Variants in CAMK2G observed in about 807,000 individuals in gnomAD.
The protein encoded by CAMK2G is calcium/calmodulin dependent protein kinase II gamma.
A neutral mutation model predicts 88.7 loss-of-function variants in CAMK2G; 23 were observed. That is an observed-to-expected ratio of 0.26 (90% CI 0.19 to 0.37). The LOEUF is 0.37. Ranked by LOEUF, CAMK2G falls within the 10% of genes least tolerant of loss-of-function variation. CAMK2G has a pLI of 1.00. For missense variants in CAMK2G, 476 were observed against 780.8 expected (o/e 0.61, Z 4.65); for synonymous variants, 263 against 294.8 (o/e 0.89, Z 1.11).
At chr10:73,819,028 C>G (rs2086784775) in intron 19 of CAMK2G, 1 of 356,688 alleles carries the variant, frequency 2.8e-6, no homozygotes, top group Non-Finnish European at 5.5e-6. Context: ...AAGGAACCTG[C>G]AGCTCTGGGA....
Position 73,824,086 on chromosome 10 carries a change from T to C in CAMK2G, c.1156-2A>G. Reference sequence around the variant, plus strand: ...GTGTACCACAGTGGTTTGTGGCTCCTGTGAGAGAAGATGAAGATTACCCTT... The same window carrying C: ...GTGTACCACAGTGGTTTGTGGCTCCCGTGAGAGAAGATGAAGATTACCCTT... On this transcript the variant is annotated splice_acceptor_variant, in intron 16 of 22. Coordinates refer to ENST00000423381, the MANE Select transcript of CAMK2G (RefSeq NM_001367534.1). LOFTEE classifies it high-confidence loss of function. 2 of 1,612,298 alleles carry C rather than the reference T, an allele frequency of 1.2e-6. No individual in the cohort carries two copies. The highest frequency in any genetic ancestry group is 1.7e-6 in the Non-Finnish European group (2 of 1,178,380).
intron 2 of CAMK2G, among the ~76,000 whole-genome samples, chr10:73,865,306 G>A (rs751285834): frequency 1.3e-5 from 2 of 152,178 alleles, no homozygotes; most frequent in Admixed American, 6.5e-5. Flanking sequence ...CAGCAACAGG[G>A]GCTCCTCAGA....
At chr10:73,860,236 T>A (rs890743655) in intron 3 of CAMK2G, among the ~76,000 whole-genome samples, 2 of 152,124 alleles carry the variant, frequency 1.3e-5, no homozygotes, top group African/African-American at 4.8e-5. Flanking sequence ...CAACCAACAA[T>A]GTGCTCTTGT....
intron 4 of CAMK2G, 86 bp from the exon 5 acceptor site, chr10:73,852,405 T>A: frequency 9.2e-7 from 1 of 1,082,078 alleles, no homozygotes; most frequent in Non-Finnish European, 1.4e-6. Flanking sequence ...GGTCACCCTG[T>A]AGAATGGCTT....
intron 2 of CAMK2G, among the ~76,000 whole-genome samples, chr10:73,861,449 G>T (rs998557068): frequency 6.6e-6 from 1 of 152,156 alleles, no homozygotes; most frequent in African/African-American, 2.4e-5. Flanking sequence ...TTCGCCTCCT[G>T]GGTTCAAGCA....
Position 73,848,882 on chromosome 10 carries a change from G to A in CAMK2G, c.517+131C>T, listed in dbSNP as rs573911377. ...ACAGCTAGACTTACTGTACTGAGTC[G>A]CGTACGGCCAAGAGAGATCTCGGAG... On this transcript the variant is annotated intron_variant, in intron 7 of 22. Coordinates refer to ENST00000423381, the MANE Select transcript of CAMK2G (RefSeq NM_001367534.1). The surrounding 1 kb of genome is among the most constrained non-coding windows in gnomAD (Gnocchi z 4.5). 20 of 741,754 alleles carry A rather than the reference G, an allele frequency of 2.7e-5. No homozygotes were observed. Among genetic ancestry groups the A allele is most frequent in the Middle Eastern group, 2.4e-4 (1 of 4,228 alleles). 45.9% of individuals were successfully genotyped at this position (741,754 alleles called of 1,614,324 possible).
intron 14 of CAMK2G, among the ~76,000 whole-genome samples, chr10:73,829,585 C>G (rs2091994271): frequency 6.6e-6 from 1 of 152,060 alleles, no homozygotes; most frequent in Admixed American, 6.6e-5. Context: ...CAAGCGTGAG[C>G]CACCGCACAC....
chr10:73,868,287 C>T (rs1404512816), intron 2 of CAMK2G, among the ~76,000 whole-genome samples: 1 of 152,168 alleles, frequency 6.6e-6, no homozygotes, highest in East Asian at 1.9e-4. Context: ...AAGGCAGGGG[C>T]CTCCCTGACA....
intron 6 of CAMK2G, 27 bp downstream of exon 6, chr10:73,849,234 A>C: frequency 3.1e-6 from 5 of 1,602,978 alleles, no homozygotes; most frequent in Non-Finnish European, 4.3e-6. Flanking sequence ...TCATGAGCAG[A>C]GGCACGGAGG....
intron 18 of CAMK2G, among the ~76,000 whole-genome samples, chr10:73,821,356 G>A (rs1177996630): frequency 2.6e-5 from 4 of 152,120 alleles, no homozygotes; most frequent in Non-Finnish European, 4.4e-5. Context: ...GGCTACTTCG[G>A]CAGGGACTTG....
At chr10:73,819,149 C>T (rs1589778805) in intron 19 of CAMK2G, among the ~76,000 whole-genome samples, 1 of 152,166 alleles carries the variant, frequency 6.6e-6, no homozygotes, top group Non-Finnish European at 1.5e-5. Flanking sequence ...GGAAGCACTA[C>T]ATCCCCAACA....
chr10:73,818,589 C>A, intron 19 of CAMK2G: 1 of 424,392 alleles, frequency 2.4e-6, no homozygotes, highest in South Asian at 1.7e-5. Context: ...AGCCAAGCAG[C>A]ACAGTTGGGA....
In CAMK2G at chr10:73,815,232, C is replaced by T; in HGVS notation, c.1550G>A (p.Ser517Asn). 1 of 1,613,902 alleles carries T rather than the reference C, an allele frequency of 6.2e-7. No homozygotes were observed. Among genetic ancestry groups the T allele is most frequent in the South Asian group, 1.1e-5 (1 of 91,064 alleles). ...TAGGATGGTGGTATGGATAGGCTTG[C>T]TGTTCTTGGACAGGACTGCAGGGCA... ...FYFENLLSKN[S>N]KPIHTTILNP... is the part of the protein sequence containing the mutation. The change falls in exon 22 of 23, where the codon AGC becomes AAC. Residue 517 changes from serine to asparagine, a missense_variant. Ser to Asn is a conservative substitution (Grantham distance 46). Around this residue, in one of 3 missense-constraint regions of CAMK2G, gnomAD observed 278 missense variants for 366.5 expected, o/e 0.76. Coordinates refer to ENST00000423381, the MANE Select transcript of CAMK2G (RefSeq NM_001367534.1).
intron 21 of CAMK2G, chr10:73,815,887 T>C (rs567359584): frequency 1.0e-6 from 1 of 985,380 alleles, no homozygotes; most frequent in Admixed American, 6.1e-5. Flanking sequence ...ACTGTGTTGC[T>C]TTTATTGAGA....
chr10:73,853,512 C>G (rs1028700790), intron 3 of CAMK2G, among the ~76,000 whole-genome samples: 1 of 152,212 alleles, frequency 6.6e-6, no homozygotes. Context: ...GGAGAAAAGC[C>G]GGAACCTTCC....
intron 15 of CAMK2G, among the ~76,000 whole-genome samples, chr10:73,826,328 G>A (rs1230642397): frequency 6.6e-6 from 1 of 152,168 alleles, no homozygotes; most frequent in Non-Finnish European, 1.5e-5. Context: ...AGCTACTCGG[G>A]AGGCTGAGAC....
chr10:73,843,849 A>T (rs555413530), intron 10 of CAMK2G, among the ~76,000 whole-genome samples: 1 of 152,280 alleles, frequency 6.6e-6, no homozygotes, highest in East Asian at 1.9e-4. Flanking sequence ...AGAGGTCATC[A>T]GCAAGAACCC....
intron 10 of CAMK2G, among the ~76,000 whole-genome samples, chr10:73,844,546 T>G (rs1200451184): frequency 1.3e-5 from 2 of 152,146 alleles, no homozygotes; most frequent in Non-Finnish European, 2.9e-5. Flanking sequence ...TAGCTGGGAT[T>G]ATAGGTGTGT....
At chr10:73,835,727 CCA>C (rs1287343572) in intron 14 of CAMK2G, among the ~76,000 whole-genome samples, 1 of 152,174 alleles carries the variant, frequency 6.6e-6, no homozygotes, top group Non-Finnish European at 1.5e-5. Flanking sequence ...CATCAATCTA[CCA>C]CACACCCTGT....
Sources: gnomAD v4.1 joint callset for allele counts (sites outside exome capture counted in the v4.1 genomes callset) on GRCh38, gnomAD v4.1.1 for gene constraint, gnomAD v4.1.1 regional missense constraint, Gnocchi (gnomAD v3.1) non-coding constraint, MANE v1.5 for transcripts, NCBI Gene and HGNC (gene_info 2026-07-23, HGNC 2026-07-21) for gene names.